The following ZNF804B variants were observed in gnomAD, a reference collection of about 807,000 sequenced individuals.
The protein encoded by ZNF804B is zinc finger 804B.
In ZNF804B, 80 loss-of-function variants were observed where a neutral mutation model predicts 101.4. That is an observed-to-expected ratio of 0.79 (90% CI 0.66 to 0.95). ZNF804B has a LOEUF of 0.95. Among genes scored for constraint, ZNF804B ranks in the 40% least tolerant of loss-of-function variants. The pLI is 0.00. For synonymous variants in ZNF804B, 622 were observed against 558.8 expected (o/e 1.11, Z -1.59); for missense variants, 1,673 against 1,561.9 (o/e 1.07, Z -1.20).
intron 1 of ZNF804B, among the ~76,000 whole-genome samples, chr7:89,157,699 A>T (rs930707901): frequency 6.6e-6 from 1 of 152,068 alleles, no homozygotes; most frequent in South Asian, 2.1e-4. Context: ...ACACATCCAA[A>T]TCTTTTCTAG....
chr7:89,054,601 CTT>C (rs1006135488), intron 1 of ZNF804B, among the ~76,000 whole-genome samples: 3 of 151,638 alleles, frequency 2.0e-5, no homozygotes, highest in Non-Finnish European at 4.4e-5. Context: ...ACTGAGTAAG[CTT>C]TTTTTTCATT....
intron 1 of ZNF804B, among the ~76,000 whole-genome samples, chr7:88,785,965 A>G (rs564798696): frequency 2.0e-5 from 3 of 152,222 alleles, no homozygotes; most frequent in African/African-American, 7.2e-5. Context: ...AACACTTATT[A>G]TAATTGTTTA....
chr7:89,187,806 T>G (rs1488789365), intron 1 of ZNF804B, among the ~76,000 whole-genome samples: 2 of 152,170 alleles, frequency 1.3e-5, no homozygotes, highest in Non-Finnish European at 2.9e-5. Context: ...AGGATCTTGT[T>G]CCAAAGTAAC....
At position 88,900,260 on chromosome 7, in the gene ZNF804B, T is replaced by G. The variant is rs185728199; in HGVS notation, c.108+140176T>G. On this transcript the variant is annotated intron_variant, in intron 1 of 3. Coordinates refer to ENST00000333190, the MANE Select transcript of ZNF804B (RefSeq NM_181646.5). ...ACATTTTTCTTTAGATTGTTTTATT[T>G]GATTCTAGGATTTTTAAAAATTGGC... is the stretch of plus-strand genomic sequence containing the variant. Among the ~76,000 whole-genome samples the G allele has an allele frequency of 7.8e-4, 118 of 152,128 alleles. 1 individual carries two copies. Among genetic ancestry groups the G allele is most frequent in the Non-Finnish European group, 2.7e-4 (18 of 67,902 alleles).
rs35905388 is a variant in ZNF804B, at chr7:89,324,607, C to CTTT, written c.250-2721_250-2719dup. On this transcript the variant is annotated intron_variant, in intron 2 of 3. Coordinates refer to ENST00000333190, the MANE Select transcript of ZNF804B (RefSeq NM_181646.5). ...TTGTCCAGTCTACCTTACCTTCTTA[C>CTTT]TTTTTTTTTTTTTTTTTTGCATTTT... Among the ~76,000 whole-genome samples, 431 of 109,520 alleles carry CTTT rather than the reference C, an allele frequency of 3.9e-3. 2 individuals carry two copies. The highest frequency in any genetic ancestry group is 0.014 in the African/African-American group (414 of 28,992). 71.8% of individuals were successfully genotyped at this position (109,520 alleles called of 152,430 possible).
At chr7:89,314,631 C>G (rs970099232) in intron 2 of ZNF804B, among the ~76,000 whole-genome samples, 1 of 152,102 alleles carries the variant, frequency 6.6e-6, no homozygotes, top group Non-Finnish European at 1.5e-5. Context: ...ATAATAATCC[C>G]AAGAATTCCA....
intron 1 of ZNF804B, among the ~76,000 whole-genome samples, chr7:88,905,066 A>C (rs115205755): frequency 0.011 from 1,736 of 152,200 alleles, 33 homozygotes; most frequent in African/African-American, 0.039. Context: ...CCTGTTTAGT[A>C]TAATGTTAGC....
chr7:88,923,489 G>T (rs1006192366), intron 1 of ZNF804B, among the ~76,000 whole-genome samples: 5 of 152,056 alleles, frequency 3.3e-5, no homozygotes, highest in Admixed American at 1.3e-4. Context: ...GTTTATCAAA[G>T]ACAAAGTAAC....
At chr7:89,300,860 T>C (rs1044315159) in intron 2 of ZNF804B, among the ~76,000 whole-genome samples, 1 of 151,780 alleles carries the variant, frequency 6.6e-6, no homozygotes, top group Admixed American at 6.6e-5. Context: ...AAACAGTGGA[T>C]AGAAGTGGAG....
intron 1 of ZNF804B, among the ~76,000 whole-genome samples, chr7:89,107,798 C>T (rs1424104741): frequency 2.6e-5 from 4 of 152,084 alleles, no homozygotes; most frequent in African/African-American, 7.2e-5. Context: ...GCTTAGAGAG[C>T]CACAGACAAT....
At chr7:89,227,721 T>A (rs544570408) in intron 2 of ZNF804B, among the ~76,000 whole-genome samples, 1 of 152,128 alleles carries the variant, frequency 6.6e-6, no homozygotes, top group East Asian at 1.9e-4. Context: ...GAGAGAGTGT[T>A]CCACACAGAG....
At chr7:89,271,410 A>G (rs964098019) in intron 2 of ZNF804B, among the ~76,000 whole-genome samples, 11 of 152,294 alleles carry the variant, frequency 7.2e-5, no homozygotes, top group African/African-American at 2.6e-4. Context: ...CATCCCAGGG[A>G]TGAAGCCCAC....
intron 1 of ZNF804B, among the ~76,000 whole-genome samples, chr7:88,811,014 A>G (rs1490296592): frequency 6.6e-6 from 1 of 152,136 alleles, no homozygotes; most frequent in Non-Finnish European, 1.5e-5. Flanking sequence ...GATAGGATAA[A>G]CTGAGAAACC....
chr7:89,136,697 T>G (rs1790638668), intron 1 of ZNF804B, among the ~76,000 whole-genome samples: 1 of 151,772 alleles, frequency 6.6e-6, no homozygotes, highest in African/African-American at 2.4e-5. Flanking sequence ...GTATCAGAAT[T>G]TTTTCTTTTT....
At chr7:88,915,993 A>G (rs1001523280) in intron 1 of ZNF804B, among the ~76,000 whole-genome samples, 2 of 152,036 alleles carry the variant, frequency 1.3e-5, no homozygotes, top group African/African-American at 2.4e-5. Flanking sequence ...GAGTGAATAC[A>G]TTTATGATTA....
chr7:89,271,822 A>G (rs1461031521), intron 2 of ZNF804B, among the ~76,000 whole-genome samples: 1 of 152,096 alleles, frequency 6.6e-6, no homozygotes, highest in Non-Finnish European at 1.5e-5. Flanking sequence ...CCAGAAATTT[A>G]TCCATTTCTT....
At chr7:88,952,119 G>T (rs1793232600) in intron 1 of ZNF804B, among the ~76,000 whole-genome samples, 1 of 151,742 alleles carries the variant, frequency 6.6e-6, no homozygotes, top group African/African-American at 2.4e-5. Flanking sequence ...TGGCAGACTT[G>T]GTAAAGCTCA....
At chr7:89,131,007 T>A (rs1308504695) in intron 1 of ZNF804B, among the ~76,000 whole-genome samples, 1 of 152,048 alleles carries the variant, frequency 6.6e-6, no homozygotes, top group Non-Finnish European at 1.5e-5. Context: ...TTACATCAGC[T>A]ACTTTTAAAC....
intron 1 of ZNF804B, among the ~76,000 whole-genome samples, chr7:88,973,690 A>G (rs1475842795): frequency 6.6e-6 from 1 of 151,292 alleles, no homozygotes; most frequent in Admixed American, 6.6e-5. Context: ...TTGGGAGAAA[A>G]GGTGTATTTT....
Sources: allele counts gnomAD v4.1 joint callset (sites outside exome capture counted in the v4.1 genomes callset), GRCh38; gene constraint gnomAD v4.1.1; transcripts MANE v1.5; gene names NCBI Gene and HGNC (gene_info 2026-07-23, HGNC 2026-07-21).